The following ADAM19 variants were observed in gnomAD, a reference collection of about 807,000 sequenced individuals.
ADAM19 encodes the protein ADAM metallopeptidase domain 19.
Under a neutral mutation model 114.7 loss-of-function variants are expected in ADAM19, and 65 were observed. That is an observed-to-expected ratio of 0.57 (90% CI 0.46 to 0.70). ADAM19 has a LOEUF of 0.70. Ranked by LOEUF, ADAM19 falls within the 30% of genes least tolerant of loss-of-function variation. ADAM19 has a pLI of 0.00. For synonymous variants in ADAM19, 466 were observed against 460.5 expected, an observed-to-expected ratio of 1.01 and a Z score of -0.15; for missense variants, 1,063 against 1,204.7, an observed-to-expected ratio of 0.88 and a Z score of 1.74.
intron 1 of ADAM19, chr5:157,572,299 G>C (rs759764217): frequency 2.2e-6 from 1 of 455,986 alleles, no homozygotes; most frequent in Middle Eastern, 3.2e-4. Flanking sequence ...TGTTTTGCAA[G>C]AAAGAGAATT....
Position 157,545,098 on chromosome 5 carries a change from T to G in ADAM19, c.252-7107A>C, listed in dbSNP as rs115985661. 9.9e-3 allele frequency among the ~76,000 whole-genome samples: 1,509 copies of G among 152,326 alleles called. 24 individuals carry two copies. The highest frequency in any genetic ancestry group is 0.035 in the African/African-American group (1,448 of 41,566). On this transcript the variant is annotated intron_variant, in intron 3 of 22. Coordinates refer to ENST00000257527, the MANE Select transcript of ADAM19 (RefSeq NM_033274.5). ...CCTGCTAAATGTAGGTGCTTAGCCC[T>G]TTTTAAGCTCTGATTAAATATCCCA...
chr5:157,561,895 G>C (rs539772242), intron 3 of ADAM19, among the ~76,000 whole-genome samples: 1 of 151,626 alleles, frequency 6.6e-6, no homozygotes, highest in South Asian at 2.1e-4. Flanking sequence ...TACCTGCACT[G>C]GTGCCTGAAA....
intron 4 of ADAM19, among the ~76,000 whole-genome samples, chr5:157,536,961 A>C (rs1345157678): frequency 1.3e-5 from 2 of 152,106 alleles, no homozygotes; most frequent in Non-Finnish European, 2.9e-5. Flanking sequence ...CTTCACCCCC[A>C]TCTCACCAGC....
Position 157,498,034 on chromosome 5 carries a change from T to C in ADAM19, c.1399-945A>G, listed in dbSNP as rs944447680. Among the ~76,000 whole-genome samples, 3 of 152,148 alleles carry C rather than the reference T, an allele frequency of 2.0e-5. 1 individual carries two copies. The highest frequency in any genetic ancestry group is 1.3e-4 in the Admixed American group (2 of 15,276). ...GGCCTTGGGCCAAGACTGGAAGAAC[T>C]TGACCCAGCACAGCCTCCCAGGGGG... On this transcript the variant is annotated intron_variant, in intron 13 of 22. Transcript: ENST00000257527.
In ADAM19 at chr5:157,478,654, G is replaced by A. The variant is rs1424168166; in HGVS notation, c.*2295C>T. Reference sequence around the variant, plus strand: ...GCAGCCTCCCTGAACAGAGCCAGGAGTGAAGCATTAGTAGAACTGGTTGCC... The same window carrying A: ...GCAGCCTCCCTGAACAGAGCCAGGAATGAAGCATTAGTAGAACTGGTTGCC... On this transcript the variant is annotated 3_prime_UTR_variant, in exon 23 of 23. Transcript: ENST00000257527. 14 of 985,802 alleles carry A rather than the reference G, an allele frequency of 1.4e-5. No homozygotes were observed. Among genetic ancestry groups the A allele is most frequent in the Non-Finnish European group, 1.7e-5 (14 of 829,968 alleles). The allele number at this position is 985,802 out of a possible 1,614,324, so 61.1% of individuals were successfully genotyped here.
chr5:157,515,115 A>G (rs1299838773), intron 7 of ADAM19, among the ~76,000 whole-genome samples: 2 of 152,168 alleles, frequency 1.3e-5, no homozygotes, highest in African/African-American at 4.8e-5. Flanking sequence ...GGCTTCCTTA[A>G]AACTGCCACT....
chr5:157,560,560 CTG>C lies in ADAM19; in HGVS notation c.251+3811_251+3812del, dbSNP rs761041086. 3.3e-5 allele frequency among the ~76,000 whole-genome samples: 5 copies of C among 152,340 alleles called. No individual in the cohort carries two copies. In the East Asian group the frequency reaches 7.7e-4, roughly 23 times the overall value. On this transcript the variant is annotated intron_variant, in intron 3 of 22. Transcript: ENST00000257527. Reference sequence around the variant, plus strand: ...ATATATACTTTATTAGAGCAGAAGACTGTCTTCATGACATCCAGTTGAGTTCA... The same window carrying C: ...ATATATACTTTATTAGAGCAGAAGACTCTTCATGACATCCAGTTGAGTTCA...
At chr5:157,491,481 T>G (rs1755153924) in intron 18 of ADAM19, 134 bp downstream of exon 18, 1 of 665,208 alleles carries the variant, frequency 1.5e-6, no homozygotes, top group Non-Finnish European at 2.5e-6. Flanking sequence ...TGGTCTGTCT[T>G]TATCCTGATT....
intron 10 of ADAM19, among the ~76,000 whole-genome samples, chr5:157,506,241 G>T (rs1468001387): frequency 6.6e-6 from 1 of 152,142 alleles, no homozygotes; most frequent in Non-Finnish European, 1.5e-5. Context: ...ATACACTCCA[G>T]GCACAGCACT....
At chr5:157,534,997 G>A (rs1353536113) in intron 4 of ADAM19, among the ~76,000 whole-genome samples, 4 of 152,084 alleles carry the variant, frequency 2.6e-5, no homozygotes, top group African/African-American at 9.7e-5. Flanking sequence ...AACTGAACTT[G>A]GGCAAGTTAC....
At chr5:157,493,539 C>G (rs972849297) in intron 15 of ADAM19, among the ~76,000 whole-genome samples, 1 of 152,186 alleles carries the variant, frequency 6.6e-6, no homozygotes, top group Non-Finnish European at 1.5e-5. Flanking sequence ...CCCATTCTCC[C>G]TCACTCCTGG....
chr5:157,575,736 C>CA lies in ADAM19; in HGVS notation c.-41dup, dbSNP rs1757956352. The CA allele has an allele frequency of 1.7e-5, 22 of 1,261,702 alleles. No homozygotes were observed. Among genetic ancestry groups the CA allele is most frequent in the Non-Finnish European group, 1.9e-5 (19 of 999,354 alleles). 78.2% of individuals were successfully genotyped at this position (1,261,702 alleles called of 1,614,324 possible). A position where few individuals can be genotyped will look rare whatever the true frequency, so the allele number is the denominator to read the frequency against. On this transcript the variant is annotated 5_prime_UTR_variant, in exon 1 of 23. An upstream open reading frame in the 5' UTR gains an earlier in-frame stop. Coordinates refer to ENST00000257527, the MANE Select transcript of ADAM19 (RefSeq NM_033274.5). ...TTAGCGCTCGGCGCTCACACGCCCT[C>CA]AGCCATACCTGCCCACTGCCCGGCG...
rs535181641 is a variant in ADAM19, at chr5:157,544,682, G to A, written c.252-6691C>T. 2.6e-5 allele frequency among the ~76,000 whole-genome samples: 4 copies of A among 152,306 alleles called. No individual in the cohort carries two copies. The East Asian group carries it at 5.8e-4, about 22-fold the overall frequency. Reference sequence around the variant, plus strand: ...TCACAAATTTGTTTTCCAGTGTCCCGAATAGCCCATTATGTGTATTTGTTG... The same window carrying A: ...TCACAAATTTGTTTTCCAGTGTCCCAAATAGCCCATTATGTGTATTTGTTG... On this transcript the variant is annotated intron_variant, in intron 3 of 22. Coordinates refer to ENST00000257527, the MANE Select transcript of ADAM19 (RefSeq NM_033274.5).
chr5:157,499,773 C>CCCTTT, intron 12 of ADAM19, 111 bp from the exon 13 acceptor site: 1 of 419,702 alleles, frequency 2.4e-6, no homozygotes, highest in South Asian at 2.4e-5. Context: ...GCAACTATCT[C>CCCTTT]TTTTTTTTTT....
chr5:157,534,204 A>G (rs1195023109), intron 4 of ADAM19, among the ~76,000 whole-genome samples: 1 of 152,140 alleles, frequency 6.6e-6, no homozygotes, highest in Non-Finnish European at 1.5e-5. Context: ...GGGGTGGCTC[A>G]CACCTGTAAC....
chr5:157,506,234 C>A (rs1581310460), intron 10 of ADAM19, among the ~76,000 whole-genome samples: 1 of 152,154 alleles, frequency 6.6e-6, no homozygotes, highest in Non-Finnish European at 1.5e-5. Context: ...AAGACAGATA[C>A]ACTCCAGGCA....
intron 12 of ADAM19, among the ~76,000 whole-genome samples, chr5:157,502,471 A>G (rs991799354): frequency 6.6e-6 from 1 of 152,208 alleles, no homozygotes; most frequent in African/African-American, 2.4e-5. Flanking sequence ...CCTCCAGAAT[A>G]AATTCCGTGC....
intron 13 of ADAM19, 139 bp from the exon 14 acceptor site, chr5:157,497,228 A>C: frequency 1.7e-4 from 124 of 732,904 alleles, no homozygotes; most frequent in Non-Finnish European, 2.2e-4. Context: ...ACATGACCTC[A>C]TTAGCCCAAA....
At chr5:157,573,125 T>G (rs1218267596) in intron 1 of ADAM19, among the ~76,000 whole-genome samples, 1 of 152,166 alleles carries the variant, frequency 6.6e-6, no homozygotes, top group African/African-American at 2.4e-5. Flanking sequence ...TAATATTTAA[T>G]GGAGCATTTA....
Sources: gnomAD v4.1 joint callset for allele counts (sites outside exome capture counted in the v4.1 genomes callset) on GRCh38, gnomAD v4.1.1 for gene constraint, MANE v1.5 for transcripts, NCBI Gene and HGNC (gene_info 2026-07-23, HGNC 2026-07-21) for gene names.